The following ECPAS variants were observed in gnomAD, a reference collection of about 807,000 sequenced individuals.
The protein encoded by ECPAS is proteasome adapter and scaffold protein ECM29.
In ECPAS, 70 loss-of-function variants were observed where a neutral mutation model predicts 255.1. The observed-to-expected ratio is 0.27, with a 90% CI of 0.23 to 0.33. The LOEUF is 0.33. Among genes scored for constraint, ECPAS ranks in the 10% least tolerant of loss-of-function variants. The probability of loss-of-function intolerance (pLI) is 1.00; values close to 1 mark genes in which losing one functional copy is unlikely to be tolerated. For synonymous variants in ECPAS, 784 were observed against 775.0 expected (o/e 1.01, Z -0.19); for missense variants, 1,817 against 2,206.4 (o/e 0.82, Z 3.54).
chr9:111,360,984 G>A lies in ECPAS; in HGVS notation c.*1046C>T, dbSNP rs1219804739. 1.3e-5 allele frequency: 2 copies of A among 152,168 alleles called. No homozygotes were observed. Among genetic ancestry groups the A allele is most frequent in the Non-Finnish European group, 2.9e-5 (2 of 68,028 alleles). 9.4% of individuals were successfully genotyped at this position (152,168 alleles called of 1,614,324 possible). ...GGGGCATGGGCAACAGAAGGAAGGA[G>A]GAAAACCCCTAGTGGCAATGATTTA... is the stretch of plus-strand genomic sequence containing the variant. On this transcript the variant is annotated 3_prime_UTR_variant, in exon 50 of 50. Coordinates refer to ENST00000684092, the MANE Select transcript of ECPAS (RefSeq NM_001364929.1).
chr9:111,383,394 T>C, intron 34 of ECPAS, 62 bp from the exon 35 acceptor site: 2 of 1,541,588 alleles, frequency 1.3e-6, no homozygotes, highest in Non-Finnish European at 1.8e-6. Context: ...AGAATTCATC[T>C]GACAAAAGAC....
At chr9:111,471,013 A>C (rs2098287322) in intron 2 of ECPAS, among the ~76,000 whole-genome samples, 1 of 152,174 alleles carries the variant, frequency 6.6e-6, no homozygotes, top group Non-Finnish European at 1.5e-5. Context: ...TAGAGGAAAT[A>C]ATATATACTA....
At chr9:111,429,610 G>C (rs1286372495) in intron 9 of ECPAS, among the ~76,000 whole-genome samples, 1 of 152,168 alleles carries the variant, frequency 6.6e-6, no homozygotes, top group Non-Finnish European at 1.5e-5. Context: ...AGAATTCATA[G>C]GTCCTGATTC....
At chr9:111,366,458 T>A (rs563977636) in intron 47 of ECPAS, 64 bp downstream of exon 47, 1 of 1,346,890 alleles carries the variant, frequency 7.4e-7, no homozygotes, top group Non-Finnish European at 1.1e-6. Context: ...AAAAATTCCA[T>A]TGATTATACA....
At chr9:111,407,469 C>CAA (rs2098186841) in intron 24 of ECPAS, among the ~76,000 whole-genome samples, 1 of 106,870 alleles carries the variant, frequency 9.4e-6, no homozygotes, top group Non-Finnish European at 1.9e-5. Context: ...CTCAGGGATT[C>CAA]AAAAAAGGAA....
At chr9:111,389,947 G>T (rs1222886541) in intron 30 of ECPAS, 37 bp downstream of exon 30, 4 of 1,417,810 alleles carry the variant, frequency 2.8e-6, no homozygotes, top group East Asian at 2.4e-5. Context: ...TGGTTTGCAT[G>T]AAAAAAATAA....
rs183836584 is a variant in ECPAS, at chr9:111,370,706, T to C, written c.4781+16A>G. On this transcript the variant is annotated intron_variant, in intron 44 of 49. Transcript: ENST00000684092. ...TCCAGTTTAAGAAATGGCATCTTCATTGAAAGAACATTTACCTGCAAGCTG... is the reference window on the plus strand; with the variant it reads ...TCCAGTTTAAGAAATGGCATCTTCACTGAAAGAACATTTACCTGCAAGCTG... The C allele has an allele frequency of 2.7e-5, 44 of 1,607,056 alleles. No homozygotes were observed. The highest frequency in any genetic ancestry group is 8.0e-5 in the African/African-American group (6 of 74,960).
intron 2 of ECPAS, among the ~76,000 whole-genome samples, chr9:111,465,646 A>C (rs1411168759): frequency 1.3e-5 from 2 of 151,762 alleles, no homozygotes; most frequent in African/African-American, 2.4e-5. Flanking sequence ...TTATGATATA[A>C]TTATATAAAA....
At chr9:111,398,396 C>CAA (rs1368994389) in intron 24 of ECPAS, among the ~76,000 whole-genome samples, 3 of 152,046 alleles carry the variant, frequency 2.0e-5, no homozygotes, top group Admixed American at 2.0e-4. Flanking sequence ...AAAACAAAAA[C>CAA]AAAACTCCAC....
intron 18 of ECPAS, among the ~76,000 whole-genome samples, chr9:111,415,574 G>A (rs910887177): frequency 2.0e-5 from 3 of 151,818 alleles, no homozygotes; most frequent in Admixed American, 6.6e-5. Flanking sequence ...GGTGGTGCAC[G>A]CCTGTAGTCA....
rs745396616 is a variant in ECPAS at position 111,430,552 on chromosome 9, T to C, written c.925A>G (p.Lys309Glu). 1 of 1,580,544 alleles carries C rather than the reference T, an allele frequency of 6.3e-7. No homozygotes were observed. Among genetic ancestry groups the C allele is most frequent in the East Asian group, 2.2e-5 (1 of 44,518 alleles). ...VYLGDIPLKT[K>E]EGAVLKPELK... The stretch of plus-strand genomic sequence containing the variant: ...AATAAATCAAAACAACCTACCTCTT[T>C]TGTCTTCAGTGGTATATCTCCAAGG... Residue 309 changes from lysine (K) to glutamate (E), a missense_variant, in exon 9 of 50, where the codon AAA becomes GAA. By Grantham distance (56) the Lys-to-Glu change is moderately conservative. Around this residue, in one of 4 missense-constraint regions of ECPAS, gnomAD observed 573 missense variants for 716.2 expected, o/e 0.80. Coordinates refer to ENST00000684092, the MANE Select transcript of ECPAS (RefSeq NM_001364929.1).
chr9:111,471,741 AT>A (rs1422201318), intron 2 of ECPAS, among the ~76,000 whole-genome samples: 2 of 152,240 alleles, frequency 1.3e-5, no homozygotes, highest in Non-Finnish European at 2.9e-5. Flanking sequence ...ATCACAATGC[AT>A]GACAAAATGG....
chr9:111,444,784 C>A (rs533354296), intron 3 of ECPAS, among the ~76,000 whole-genome samples: 1 of 152,238 alleles, frequency 6.6e-6, no homozygotes, highest in Middle Eastern at 3.4e-3. Flanking sequence ...AATCTTGGCT[C>A]ACTGCAACCT....
At chr9:111,408,842 G>T (rs1450970188) in intron 23 of ECPAS, among the ~76,000 whole-genome samples, 170 bp from the exon 24 acceptor site, 2 of 152,152 alleles carry the variant, frequency 1.3e-5, no homozygotes, top group Non-Finnish European at 2.9e-5. Flanking sequence ...AGTCATTGAA[G>T]GTAGAAACAC....
At chr9:111,389,853 G>A (rs894834838) in intron 30 of ECPAS, 130 bp from the exon 31 acceptor site, 18 of 1,169,842 alleles carry the variant, frequency 1.5e-5, no homozygotes, top group Non-Finnish European at 1.8e-5. Flanking sequence ...AACAGCATTT[G>A]TGGGGTTCAG....
chr9:111,392,191 C>T (rs2131614195), intron 28 of ECPAS, among the ~76,000 whole-genome samples: 1 of 152,114 alleles, frequency 6.6e-6, no homozygotes, highest in African/African-American at 2.4e-5. Context: ...AGTGAGCTGA[C>T]ATCGTGCCAC....
At chr9:111,435,627 G>A (rs2098236850) in intron 7 of ECPAS, among the ~76,000 whole-genome samples, 1 of 151,634 alleles carries the variant, frequency 6.6e-6, no homozygotes, top group African/African-American at 2.4e-5. Flanking sequence ...AAAGTACCCG[G>A]TACGGTGCCT....
At chr9:111,483,583 A>C in intron 1 of ECPAS, 2 of 191,954 alleles carry the variant, frequency 1.0e-5, no homozygotes, top group African/African-American at 4.9e-5. Context: ...CTGGGGGGGC[A>C]GGGCGCGGCC....
At chr9:111,414,116 AAG>A (rs2098199334) in intron 19 of ECPAS, 130 bp from the exon 20 acceptor site, 2 of 641,974 alleles carry the variant, frequency 3.1e-6, no homozygotes, top group Non-Finnish European at 5.1e-6. Flanking sequence ...AAAAAAAAAA[AAG>A]AAAACCTACA....
Sources: allele counts gnomAD v4.1 joint callset (sites outside exome capture counted in the v4.1 genomes callset), GRCh38; gene constraint gnomAD v4.1.1; regional missense constraint gnomAD v4.1.1; transcripts MANE v1.5; gene names NCBI Gene and HGNC (gene_info 2026-07-23, HGNC 2026-07-21).